DPP10: variants seen among roughly 807,000 people sequenced by gnomAD.
DPP10 encodes the protein dipeptidyl peptidase like 10, also known as inactive dipeptidyl peptidase 10.
DPP10 carries 33 observed loss-of-function variants against 120.9 expected under a neutral mutation model. The observed-to-expected ratio is 0.27, with a 90% CI of 0.21 to 0.37. DPP10 has a LOEUF of 0.37. Among genes scored for constraint, DPP10 ranks in the 10% least tolerant of loss-of-function variants. The pLI is 1.00. For synonymous variants in DPP10, 337 were observed against 326.1 expected (o/e 1.03, Z -0.36); for missense variants, 816 against 942.8 (o/e 0.87, Z 1.76).
intron 3 of DPP10, among the ~76,000 whole-genome samples, chr2:115,467,240 A>C (rs1418074304): frequency 6.6e-6 from 1 of 152,124 alleles, no homozygotes; most frequent in East Asian, 1.9e-4. Context: ...ACACATGCCC[A>C]ACAACCACAA....
At chr2:115,208,812 C>T (rs1386600537) in intron 1 of DPP10, among the ~76,000 whole-genome samples, 1 of 152,100 alleles carries the variant, frequency 6.6e-6, no homozygotes, top group African/African-American at 2.4e-5. Context: ...TGATTAAGAG[C>T]AGTGCCAACA....
At chr2:115,809,626 T>A (rs1218635765) in intron 19 of DPP10, among the ~76,000 whole-genome samples, 1 of 152,186 alleles carries the variant, frequency 6.6e-6, no homozygotes, top group African/African-American at 2.4e-5. Flanking sequence ...GGATTCTAGC[T>A]TTCAAACAGG....
chr2:115,463,391 A>G (rs1029177571), intron 3 of DPP10, among the ~76,000 whole-genome samples: 3 of 152,176 alleles, frequency 2.0e-5, no homozygotes, highest in Non-Finnish European at 4.4e-5. Flanking sequence ...TTAAATGTGT[A>G]TAGTTTTAAC....
chr2:115,070,594 G>A (rs1383065413), intron 1 of DPP10, among the ~76,000 whole-genome samples: 1 of 152,116 alleles, frequency 6.6e-6, no homozygotes, highest in East Asian at 1.9e-4. Context: ...TTATTGGCAT[G>A]CTAACCTAAC....
chr2:115,676,208 C>A (rs2090243878), intron 5 of DPP10, among the ~76,000 whole-genome samples: 1 of 152,188 alleles, frequency 6.6e-6, no homozygotes, highest in South Asian at 2.1e-4. Flanking sequence ...CACCTCTGAG[C>A]AAACTTGTGC....
intron 3 of DPP10, among the ~76,000 whole-genome samples, chr2:115,422,703 A>T (rs544127482): frequency 1.4e-4 from 21 of 152,314 alleles, no homozygotes; most frequent in African/African-American, 5.1e-4. Flanking sequence ...AAGAGAAAAA[A>T]ATAATATCCA....
At position 115,297,003 on chromosome 2, in the gene DPP10, A is replaced by T. The variant is rs555239954; in HGVS notation, c.61-12236A>T. Among the ~76,000 whole-genome samples the T allele has an allele frequency of 2.0e-5, 3 of 152,208 alleles. No individual in the cohort carries two copies. In the East Asian group the frequency reaches 5.8e-4, roughly 29 times the overall value. On this transcript the variant is annotated intron_variant, in intron 1 of 25. Transcript: ENST00000410059. ...AGAACGATTATGTATAGTTTTTTTA[A>T]TTCTTCAACTTTGTGAGATGTGGTT...
intron 1 of DPP10, among the ~76,000 whole-genome samples, chr2:115,038,591 T>C (rs1704403244): frequency 6.6e-6 from 1 of 152,158 alleles, no homozygotes; most frequent in African/African-American, 2.4e-5. Flanking sequence ...CACATATTTA[T>C]TAGGCTTCTT....
intron 1 of DPP10, among the ~76,000 whole-genome samples, chr2:115,212,710 A>G (rs879779032): frequency 1.3e-5 from 2 of 152,178 alleles, no homozygotes; most frequent in African/African-American, 2.4e-5. Flanking sequence ...GCACACACAA[A>G]TAGATAAAAT....
At chr2:115,358,627 A>G (rs1403187866) in intron 3 of DPP10, among the ~76,000 whole-genome samples, 2 of 152,172 alleles carry the variant, frequency 1.3e-5, no homozygotes, top group East Asian at 1.9e-4. Flanking sequence ...CATTTTGGGT[A>G]TCCTTATAGC....
chr2:114,604,182 G>T (rs569812266), intron 1 of DPP10, among the ~76,000 whole-genome samples: 5 of 152,098 alleles, frequency 3.3e-5, no homozygotes, highest in African/African-American at 1.2e-4. Flanking sequence ...CAGACATCCT[G>T]AAGTGTTCAG....
At chr2:114,585,395 A>T (rs1690872420) in intron 1 of DPP10, among the ~76,000 whole-genome samples, 1 of 152,154 alleles carries the variant, frequency 6.6e-6, no homozygotes, top group East Asian at 1.9e-4. Context: ...CCAGATTCAG[A>T]CTTGAAGGGC....
chr2:114,634,340 A>G (rs1695153555), intron 1 of DPP10, among the ~76,000 whole-genome samples: 1 of 151,730 alleles, frequency 6.6e-6, no homozygotes, highest in Non-Finnish European at 1.5e-5. Flanking sequence ...CTTTCTACCC[A>G]AGTCCCTATC....
chr2:114,758,548 A>G (rs1679998095), intron 1 of DPP10, among the ~76,000 whole-genome samples: 1 of 152,210 alleles, frequency 6.6e-6, no homozygotes, highest in Non-Finnish European at 1.5e-5. Flanking sequence ...TATATTACTC[A>G]TGACATTGTA....
chr2:114,671,432 T>C (rs1368324208), intron 1 of DPP10, among the ~76,000 whole-genome samples: 1 of 152,146 alleles, frequency 6.6e-6, no homozygotes, highest in Non-Finnish European at 1.5e-5. Flanking sequence ...TGAGAGGTGT[T>C]TGAGTCTGCT....
intron 1 of DPP10, among the ~76,000 whole-genome samples, chr2:114,591,958 GTTA>G (rs1691501290): frequency 6.6e-6 from 1 of 152,154 alleles, no homozygotes; most frequent in South Asian, 2.1e-4. Flanking sequence ...AATATTTGAT[GTTA>G]TTAGGAAAAG....
At chr2:115,488,821 G>A (rs2075915082) in intron 3 of DPP10, among the ~76,000 whole-genome samples, 1 of 128,294 alleles carries the variant, frequency 7.8e-6, no homozygotes, top group Admixed American at 8.4e-5. Flanking sequence ...CATGGCACAT[G>A]TATACATATG....
At chr2:114,526,048 A>T (rs370614491) in intron 1 of DPP10, among the ~76,000 whole-genome samples, 16 of 152,356 alleles carry the variant, frequency 1.1e-4, no homozygotes, top group Admixed American at 3.9e-4. Context: ...TAACTTAATC[A>T]TATCAGACAC....
chr2:115,387,162 G>A (rs1039987162), intron 3 of DPP10, among the ~76,000 whole-genome samples: 1 of 152,094 alleles, frequency 6.6e-6, no homozygotes, highest in Admixed American at 6.6e-5. Context: ...TGAGGAGGGG[G>A]AGGCTGACCC....
Sources: allele counts gnomAD v4.1 joint callset (sites outside exome capture counted in the v4.1 genomes callset), GRCh38; gene constraint gnomAD v4.1.1; transcripts MANE v1.5; gene names NCBI Gene and HGNC (gene_info 2026-07-23, HGNC 2026-07-21).